Variants in SCAI observed in about 807,000 individuals in gnomAD.
SCAI encodes protein SCAI.
SCAI carries 24 observed loss-of-function variants against 92.2 expected under a neutral mutation model. The observed-to-expected ratio is 0.26, with a 90% CI of 0.19 to 0.37. The LOEUF (loss-of-function observed/expected upper bound fraction) is 0.37. SCAI is among the 10% of genes least tolerant of loss of function. The pLI, the probability that SCAI is intolerant of heterozygous loss-of-function variation, is 1.00. For synonymous variants in SCAI, 261 were observed against 258.6 expected, an observed-to-expected ratio of 1.01 and a Z score of -0.09; for missense variants, 450 against 736.2, an observed-to-expected ratio of 0.61 and a Z score of 4.50.
At chr9:125,137,624 G>A (rs1010070883) in intron 2 of SCAI, among the ~76,000 whole-genome samples, 1 of 152,038 alleles carries the variant, frequency 6.6e-6, no homozygotes, top group African/African-American at 2.4e-5. Context: ...TATTTAAGAC[G>A]GAGTCTCACT....
At chr9:124,997,875 C>CAAAAAAAAAAAAAAAAA in intron 13 of SCAI, among the ~76,000 whole-genome samples, 1 of 111,148 alleles carries the variant, frequency 9.0e-6, no homozygotes. Flanking sequence ...AACTCTGTCT[C>CAAAAAAAAAAAAAAAAA]AAAAAAAAAA....
intron 3 of SCAI, among the ~76,000 whole-genome samples, chr9:125,049,523 C>A (rs1833513565): frequency 6.6e-6 from 1 of 152,190 alleles, no homozygotes; most frequent in Non-Finnish European, 1.5e-5. Flanking sequence ...ATGCAAGAGC[C>A]ATTATATGCG....
At position 125,022,105 on chromosome 9, in the gene SCAI, C is replaced by A. The variant is rs117436788; in HGVS notation, c.513-1336G>T. 8.0e-4 allele frequency among the ~76,000 whole-genome samples: 121 copies of A among 152,072 alleles called. 3 individuals are homozygous for A. The East Asian group carries it at 0.02, about 25-fold the overall frequency. On this transcript the variant is annotated intron_variant, in intron 6 of 17. Transcript: ENST00000336505. ...ACTTGTTACTCAAATCTTATAATTT[C>A]TTGTCTTGATATATAAATTATTAGA...
At position 124,945,774 on chromosome 9, in the gene SCAI, ATGCT is replaced by A. The variant is rs1831136005; in HGVS notation, c.*7029_*7032del. ...AATTATTTTTCCTTAAACACAAGGC[ATGCT>A]TAAGTCTTTTTGTTCAAAACTCAGT... is the stretch of plus-strand genomic sequence containing the variant. On this transcript the variant is annotated 3_prime_UTR_variant, in exon 18 of 18. Coordinates refer to ENST00000336505, the MANE Select transcript of SCAI (RefSeq NM_001144877.3). 6.6e-6 allele frequency: 1 copy of A among 152,220 alleles called. No individual in the cohort carries two copies. 9.4% of individuals were successfully genotyped at this position (152,220 alleles called of 1,614,324 possible).
In SCAI at chr9:124,999,155, G is replaced by A. The variant is rs529770601; in HGVS notation, c.1244+736C>T. 9.9e-5 allele frequency among the ~76,000 whole-genome samples: 15 copies of A among 151,952 alleles called. 1 individual carries two copies. In the South Asian group the frequency reaches 1.9e-3, roughly 19 times the overall value. On this transcript the variant is annotated intron_variant, in intron 13 of 17. Transcript: ENST00000336505. ...TGTAATCCCAACACTTTGGGAGGCC[G>A]GGGCAGGTGGATCACAAGGTCAGGA...
chr9:125,078,226 C>CA (rs566446964), intron 2 of SCAI, among the ~76,000 whole-genome samples: 1 of 151,258 alleles, frequency 6.6e-6, no homozygotes, highest in Non-Finnish European at 1.5e-5. Flanking sequence ...AATATATAAA[C>CA]AAAAAAAAGT....
intron 7 of SCAI, among the ~76,000 whole-genome samples, chr9:125,020,186 C>T (rs1009349030): frequency 6.6e-6 from 1 of 151,628 alleles, no homozygotes; most frequent in Admixed American, 6.6e-5. Flanking sequence ...AGAATGCAAT[C>T]AGAATTTAAT....
intron 9 of SCAI, among the ~76,000 whole-genome samples, chr9:125,010,695 G>A (rs542269915): frequency 1.9e-4 from 29 of 152,304 alleles, no homozygotes; most frequent in Middle Eastern, 3.4e-3. Flanking sequence ...CTCCCAGCAC[G>A]CAGCTTGAGA....
chr9:125,009,179 A>G (rs1378675667), intron 9 of SCAI, among the ~76,000 whole-genome samples: 1 of 151,264 alleles, frequency 6.6e-6, no homozygotes, highest in East Asian at 1.9e-4. Context: ...ATATTATAGA[A>G]GAAGCAGGAT....
intron 11 of SCAI, among the ~76,000 whole-genome samples, 168 bp from the exon 12 acceptor site, chr9:125,002,211 G>A (rs974985364): frequency 6.6e-6 from 1 of 152,046 alleles, no homozygotes; most frequent in Non-Finnish European, 1.5e-5. Context: ...CTATACACAC[G>A]GCAGAGATTC....
At chr9:125,054,618 C>G (rs1833628294) in intron 3 of SCAI, among the ~76,000 whole-genome samples, 1 of 151,126 alleles carries the variant, frequency 6.6e-6, no homozygotes, top group Non-Finnish European at 1.5e-5. Context: ...GATTTAAACC[C>G]CAGGCATACC....
At chr9:124,968,943 G>T in intron 17 of SCAI, 24 of 325,536 alleles carry the variant, frequency 7.4e-5, no homozygotes, top group South Asian at 2.8e-4. Flanking sequence ...TTTATTTTTT[G>T]GAAAAAAAAA....
At chr9:125,045,814 A>G (rs1188585324) in intron 3 of SCAI, among the ~76,000 whole-genome samples, 3 of 151,964 alleles carry the variant, frequency 2.0e-5, no homozygotes, top group Non-Finnish European at 4.4e-5. Flanking sequence ...ATAGACACTA[A>G]TGACATTGTT....
chr9:125,092,822 A>G (rs1181042452), intron 2 of SCAI, among the ~76,000 whole-genome samples: 2 of 152,206 alleles, frequency 1.3e-5, no homozygotes, highest in African/African-American at 2.4e-5. Flanking sequence ...TCTCCTTCAC[A>G]GCATTAACTC....
chr9:125,041,267 G>A (rs1026409665), intron 3 of SCAI, among the ~76,000 whole-genome samples: 1 of 152,022 alleles, frequency 6.6e-6, no homozygotes, highest in African/African-American at 2.4e-5. Flanking sequence ...TCTTTTTTAT[G>A]TCTCCACGGA....
At chr9:124,975,202 G>A (rs1366033169) in intron 15 of SCAI, 1 of 364,168 alleles carries the variant, frequency 2.7e-6, no homozygotes, top group Non-Finnish European at 5.5e-6. Context: ...GATACATGAA[G>A]TTAATATTTC....
intron 2 of SCAI, among the ~76,000 whole-genome samples, chr9:125,131,461 T>G (rs903511986): frequency 6.7e-6 from 1 of 148,710 alleles, no homozygotes; most frequent in Non-Finnish European, 1.5e-5. Flanking sequence ...AATATAGGAG[T>G]AGCGCCTGAG....
intron 12 of SCAI, among the ~76,000 whole-genome samples, 200 bp from the exon 13 acceptor site, chr9:125,000,190 A>G (rs1013489899): frequency 2.6e-5 from 4 of 152,204 alleles, no homozygotes; most frequent in African/African-American, 9.7e-5. Flanking sequence ...ACATTTTAAA[A>G]AACATTTAAT....
At chr9:125,008,625 A>G (rs1345476056) in intron 9 of SCAI, among the ~76,000 whole-genome samples, 2 of 152,224 alleles carry the variant, frequency 1.3e-5, no homozygotes, top group Non-Finnish European at 2.9e-5. Flanking sequence ...GTGAAATGGA[A>G]AAGAAGTCAA....
Sources: gnomAD v4.1 joint callset for allele counts (sites outside exome capture counted in the v4.1 genomes callset) on GRCh38, gnomAD v4.1.1 for gene constraint, MANE v1.5 for transcripts, NCBI Gene and HGNC (gene_info 2026-07-23, HGNC 2026-07-21) for gene names.